Variants in OPCML observed in about 807,000 individuals in gnomAD.
OPCML encodes the protein opioid-binding protein/cell adhesion molecule.
In OPCML, 13 loss-of-function variants were observed where a neutral mutation model predicts 37.8. That is an observed-to-expected ratio of 0.34 (90% CI 0.22 to 0.55). The LOEUF (loss-of-function observed/expected upper bound fraction) is 0.55. OPCML is among the 20% of genes least tolerant of loss of function. The probability of loss-of-function intolerance (pLI) is 0.91; values close to 1 mark genes in which losing one functional copy is unlikely to be tolerated. For synonymous variants in OPCML, 176 were observed against 168.8 expected, an observed-to-expected ratio of 1.04 and a Z score of -0.33; for missense variants, 341 against 435.6, an observed-to-expected ratio of 0.78 and a Z score of 1.93.
chr11:133,512,966 C>G (rs190664191), intron 1 of OPCML, among the ~76,000 whole-genome samples: 1 of 152,278 alleles, frequency 6.6e-6, no homozygotes, highest in East Asian at 1.9e-4. Flanking sequence ...CAATGAGCAA[C>G]TAAATATGCC....
intron 2 of OPCML, among the ~76,000 whole-genome samples, chr11:132,690,261 C>T (rs772498755): frequency 3.3e-5 from 5 of 152,120 alleles, no homozygotes; most frequent in Non-Finnish European, 4.4e-5. Flanking sequence ...TTAAACTTAA[C>T]GTGCATCCGA....
intron 3 of OPCML, among the ~76,000 whole-genome samples, chr11:132,549,589 G>C (rs967024021): frequency 2.6e-5 from 4 of 152,158 alleles, no homozygotes; most frequent in African/African-American, 9.7e-5. Context: ...TTCATGAAAA[G>C]CAGCCCCAAA....
At chr11:132,843,241 T>G (rs1197811284) in intron 2 of OPCML, among the ~76,000 whole-genome samples, 1 of 152,032 alleles carries the variant, frequency 6.6e-6, no homozygotes, top group South Asian at 2.1e-4. Flanking sequence ...ATTACAGTCA[T>G]GTGCCACCAT....
At chr11:132,560,949 G>T (rs1052879191) in intron 3 of OPCML, among the ~76,000 whole-genome samples, 4 of 152,082 alleles carry the variant, frequency 2.6e-5, no homozygotes, top group Admixed American at 2.0e-4. Flanking sequence ...CTTTGTTTTT[G>T]TTGCATTTGC....
chr11:132,768,599 T>G (rs185984833), intron 2 of OPCML, among the ~76,000 whole-genome samples: 3 of 152,372 alleles, frequency 2.0e-5, no homozygotes, highest in Non-Finnish European at 2.9e-5. Context: ...GGTCTCCGAA[T>G]GCTTGCAATA....
intron 2 of OPCML, among the ~76,000 whole-genome samples, chr11:132,821,902 G>C (rs2136250335): frequency 6.6e-6 from 1 of 152,252 alleles, no homozygotes; most frequent in East Asian, 1.9e-4. Flanking sequence ...ACCTTGTCTT[G>C]ACTCTGCAGA....
intron 1 of OPCML, among the ~76,000 whole-genome samples, chr11:133,397,308 A>C (rs1817748470): frequency 6.6e-6 from 1 of 152,178 alleles, no homozygotes; most frequent in African/African-American, 2.4e-5. Flanking sequence ...TGTTTCATTT[A>C]TCCATAATTT....
Position 133,194,820 on chromosome 11 carries a change from T to C in OPCML, c.62-251810A>G, listed in dbSNP as rs148154031. On this transcript the variant is annotated intron_variant, in intron 1 of 7. Coordinates refer to ENST00000524381, the MANE Select transcript of OPCML (RefSeq NM_001012393.5). ...TTCAGAACCTTGCTCCAGGGACACA[T>C]ACGTAATGCCCCTGAATCTCTCCCC... 3.9e-5 allele frequency among the ~76,000 whole-genome samples: 6 copies of C among 152,312 alleles called. No homozygotes were observed. In the East Asian group the frequency reaches 9.7e-4, roughly 25 times the overall value.
intron 1 of OPCML, among the ~76,000 whole-genome samples, chr11:133,190,873 T>C (rs539808441): frequency 7.1e-4 from 108 of 152,246 alleles, no homozygotes; most frequent in Non-Finnish European, 1.3e-3. Context: ...ATTCTACTTA[T>C]CCATTATTCA....
chr11:132,844,939 A>C (rs1941454895), intron 2 of OPCML, among the ~76,000 whole-genome samples: 1 of 106,624 alleles, frequency 9.4e-6, no homozygotes, highest in South Asian at 3.2e-4. Context: ...TAGAAATAAA[A>C]GGAAATGTAA....
At chr11:132,851,925 C>T (rs1032531956) in intron 2 of OPCML, among the ~76,000 whole-genome samples, 3 of 152,152 alleles carry the variant, frequency 2.0e-5, no homozygotes, top group Admixed American at 6.5e-5. Flanking sequence ...CAGGACACGC[C>T]ACCTCTTTGG....
intron 1 of OPCML, among the ~76,000 whole-genome samples, chr11:133,492,113 C>A (rs1947677053): frequency 6.6e-6 from 1 of 152,146 alleles, no homozygotes; most frequent in South Asian, 2.1e-4. Flanking sequence ...AGCAGGCAAA[C>A]CTCGCCAGTG....
intron 2 of OPCML, among the ~76,000 whole-genome samples, chr11:132,766,099 T>A (rs1409652473): frequency 1.9e-4 from 29 of 148,876 alleles, no homozygotes; most frequent in Admixed American, 4.0e-4. Context: ...GCTTATAATT[T>A]AAAAAAAAAA....
At chr11:132,789,085 A>G (rs1030722540) in intron 2 of OPCML, among the ~76,000 whole-genome samples, 1 of 152,162 alleles carries the variant, frequency 6.6e-6, no homozygotes, top group Non-Finnish European at 1.5e-5. Context: ...GCCTTTGAAC[A>G]TGCCATTCCC....
intron 1 of OPCML, among the ~76,000 whole-genome samples, chr11:132,989,751 C>A (rs1286752161): frequency 1.3e-5 from 2 of 151,906 alleles, no homozygotes; most frequent in Non-Finnish European, 2.9e-5. Flanking sequence ...TCATGGGCCA[C>A]TGGTTATAAA....
At chr11:132,975,494 C>T (rs1425687755) in intron 1 of OPCML, among the ~76,000 whole-genome samples, 1 of 108,792 alleles carries the variant, frequency 9.2e-6, no homozygotes, top group African/African-American at 3.6e-5. Context: ...ATTTACCCAA[C>T]TTCTCCAGCC....
chr11:133,074,301 G>A (rs35079381), intron 1 of OPCML, among the ~76,000 whole-genome samples: 13,211 of 152,212 alleles, frequency 0.087, 1,107 homozygotes, highest in African/African-American at 0.22. Flanking sequence ...TATCATATAT[G>A]AGCTGGACCA....
intron 3 of OPCML, among the ~76,000 whole-genome samples, chr11:132,629,379 G>T (rs1391318619): frequency 6.6e-6 from 1 of 152,134 alleles, no homozygotes; most frequent in Non-Finnish European, 1.5e-5. Context: ...AGATAAATGA[G>T]AATTATATGC....
At chr11:133,017,626 T>A (rs1365872973) in intron 1 of OPCML, among the ~76,000 whole-genome samples, 1 of 152,154 alleles carries the variant, frequency 6.6e-6, no homozygotes, top group African/African-American at 2.4e-5. Flanking sequence ...CGATCTCAGG[T>A]GATCTGCCCT....
Sources: allele counts gnomAD v4.1 joint callset (sites outside exome capture counted in the v4.1 genomes callset), GRCh38; gene constraint gnomAD v4.1.1; transcripts MANE v1.5; gene names NCBI Gene and HGNC (gene_info 2026-07-23, HGNC 2026-07-21).